HIBCH: variants seen among roughly 807,000 people sequenced by gnomAD.
HIBCH encodes 3-hydroxyisobutyryl-CoA hydrolase.
A neutral mutation model predicts 58.2 loss-of-function variants in HIBCH; 50 were observed. The observed-to-expected ratio is 0.86, with a 90% confidence interval of 0.68 to 1.09. The LOEUF (loss-of-function observed/expected upper bound fraction) is 1.09. Ranked by LOEUF, HIBCH falls within the 50% of genes least tolerant of loss-of-function variation. The pLI, the probability that HIBCH is intolerant of heterozygous loss-of-function variation, is 0.00. For synonymous variants in HIBCH, 151 were observed against 146.9 expected, an observed-to-expected ratio of 1.03 and a Z score of -0.20; for missense variants, 450 against 449.7, an observed-to-expected ratio of 1.00 and a Z score of -0.01.
At chr2:190,255,898 C>T (rs1686907305) in intron 7 of HIBCH, among the ~76,000 whole-genome samples, 1 of 151,804 alleles carries the variant, frequency 6.6e-6, no homozygotes, top group African/African-American at 2.4e-5. Context: ...TTCACACTAC[C>T]CGAGACTGAG....
chr2:190,200,592 CAT>C (rs1446504246), downstream of HIBCH: 1 of 181,012 alleles, frequency 5.5e-6, no homozygotes, highest in Non-Finnish European at 1.3e-5. Flanking sequence ...GCACTCAAAT[CAT>C]AGTGATTAAC....
rs757027302 is a variant in HIBCH at position 190,254,374 on chromosome 2, T to C, written c.518-2067A>G. Among the ~76,000 whole-genome samples the C allele has an allele frequency of 7.9e-5, 12 of 151,998 alleles. No homozygotes were observed. Among genetic ancestry groups the C allele is most frequent in the Non-Finnish European group, 1.5e-4 (10 of 67,998 alleles). ...AGTCTATTAGCCACAGAGAGAGGGCTCAAGAGAACCATCTGCTGACACCTT... is the reference window on the plus strand; with the variant it reads ...AGTCTATTAGCCACAGAGAGAGGGCCCAAGAGAACCATCTGCTGACACCTT... On this transcript the variant is annotated intron_variant, in intron 7 of 13. Transcript: ENST00000359678. The surrounding 1 kb of genome is among the most constrained non-coding windows in gnomAD (Gnocchi z 5.0).
chr2:190,287,027 C>CGT (rs56811939), intron 6 of HIBCH, among the ~76,000 whole-genome samples: 1,987 of 142,200 alleles, frequency 0.014, 17 homozygotes, highest in African/African-American at 0.025. Flanking sequence ...TAGCATATAA[C>CGT]GTGTGTGTGT....
At position 190,304,125 on chromosome 2, in the gene HIBCH, G is replaced by A. The variant is rs977807705; in HGVS notation, c.78+6629C>T. 1.2e-4 allele frequency among the ~76,000 whole-genome samples: 18 copies of A among 151,762 alleles called. No homozygotes were observed. Among genetic ancestry groups the A allele is most frequent in the African/African-American group, 4.4e-4 (18 of 41,278 alleles). ...AGTGAATGCAGTGTCATTGATTTCT[G>A]GAACAGAATATTAATGAAAAAAAAC... is the stretch of plus-strand genomic sequence containing the variant. On this transcript the variant is annotated intron_variant, in intron 2 of 13. Coordinates refer to ENST00000359678, the MANE Select transcript of HIBCH (RefSeq NM_014362.4). This position sits in a 1 kb window ranked among gnomAD's most constrained non-coding sequence, Gnocchi z 4.1.
chr2:190,285,164 T>C (rs1687800155), intron 6 of HIBCH, among the ~76,000 whole-genome samples: 1 of 152,240 alleles, frequency 6.6e-6, no homozygotes, highest in Admixed American at 6.5e-5. Flanking sequence ...CTACTGTGTA[T>C]TAGTTCCCAG....
At chr2:190,201,531 T>G (rs1480522623), downstream of HIBCH, 1 of 167,078 alleles carries the variant, frequency 6.0e-6, no homozygotes, top group Admixed American at 6.5e-5. Context: ...ACCTCTTTAA[T>G]GAGATAAATA....
Position 190,217,201 on chromosome 2 carries a change from G to T in HIBCH, c.892-4126C>A, listed in dbSNP as rs115063950. Reference sequence around the variant, plus strand: ...CCTCCAGGGGTCAGTGGACCCTGGGGAAGTGCCTCACCTAACTCCAGCCTG... The same window carrying T: ...CCTCCAGGGGTCAGTGGACCCTGGGTAAGTGCCTCACCTAACTCCAGCCTG... On this transcript the variant is annotated intron_variant, in intron 11 of 13. Coordinates refer to ENST00000359678, the MANE Select transcript of HIBCH (RefSeq NM_014362.4). This position sits in a 1 kb window ranked among gnomAD's most constrained non-coding sequence, Gnocchi z 4.6. 6.7e-3 allele frequency among the ~76,000 whole-genome samples: 1,017 copies of T among 152,306 alleles called. 12 individuals are homozygous for T. The highest frequency in any genetic ancestry group is 0.022 in the African/African-American group (921 of 41,568).
chr2:190,204,985 C>T lies in HIBCH; in HGVS notation c.*132G>A. 1 of 671,452 alleles carries T rather than the reference C, an allele frequency of 1.5e-6. No homozygotes were observed. The highest frequency in any genetic ancestry group is 2.7e-6 in the Non-Finnish European group (1 of 369,424). 41.6% of individuals were successfully genotyped at this position (671,452 alleles called of 1,614,324 possible). On this transcript the variant is annotated 3_prime_UTR_variant, in exon 14 of 14. Transcript: ENST00000359678. ...GAATTATTAGTCTTTGATTTCTTTT[C>T]CCAACCATTTAAAAATGCGGAAACC...
chr2:190,196,021 T>TA (rs1340421831), intron 1 of HIBCH, among the ~76,000 whole-genome samples: 2 of 147,128 alleles, frequency 1.4e-5, no homozygotes, highest in African/African-American at 5.0e-5. Flanking sequence ...ATGTGTGGTT[T>TA]GGATTTTTAA....
Position 190,210,960 on chromosome 2 carries a change from T to C in HIBCH, c.1011+1996A>G, listed in dbSNP as rs188118947. Among the ~76,000 whole-genome samples the C allele has an allele frequency of 6.6e-6, 1 of 152,280 alleles. No individual in the cohort carries two copies. The highest frequency in any genetic ancestry group is 2.4e-5 in the African/African-American group (1 of 41,562). ...GCTTCCTTTTTCTTGTTAATATTTA[T>C]AATCATATAATATATATTTTATGTA... On this transcript the variant is annotated intron_variant, in intron 12 of 13. Coordinates refer to ENST00000359678, the MANE Select transcript of HIBCH (RefSeq NM_014362.4). The surrounding 1 kb of genome is among the most constrained non-coding windows in gnomAD (Gnocchi z 5.5).
At chr2:190,289,772 T>C (rs1350622273) in intron 5 of HIBCH, among the ~76,000 whole-genome samples, 1 of 152,184 alleles carries the variant, frequency 6.6e-6, no homozygotes, top group African/African-American at 2.4e-5. Flanking sequence ...AAGAAATTTT[T>C]ATTCCTAAGA....
intron 5 of HIBCH, among the ~76,000 whole-genome samples, chr2:190,289,252 T>C (rs1381225606): frequency 6.6e-6 from 1 of 152,202 alleles, no homozygotes; most frequent in Non-Finnish European, 1.5e-5. Context: ...GAAAAACATA[T>C]ATATCCCCAT....
At chr2:190,264,079 G>A (rs927848082) in intron 6 of HIBCH, among the ~76,000 whole-genome samples, 3 of 151,950 alleles carry the variant, frequency 2.0e-5, no homozygotes, top group African/African-American at 4.8e-5. Context: ...GTCAAAGCAC[G>A]CTTATTAAAA....
intron 6 of HIBCH, among the ~76,000 whole-genome samples, chr2:190,282,213 G>A (rs73981039): frequency 0.013 from 2,000 of 152,222 alleles, 54 homozygotes; most frequent in African/African-American, 0.044. Context: ...ACACTTCTCA[G>A]TATCAATTTT....
intron 11 of HIBCH, among the ~76,000 whole-genome samples, chr2:190,238,876 G>T (rs192699051): frequency 6.6e-6 from 1 of 152,310 alleles, no homozygotes; most frequent in African/African-American, 2.4e-5. Flanking sequence ...TAGACCTTTA[G>T]ATGGATAGGT....
Position 190,216,851 on chromosome 2 carries a change from G to GA in HIBCH, c.892-3777dup, listed in dbSNP as rs1422717914. On this transcript the variant is annotated intron_variant, in intron 11 of 13. Transcript: ENST00000359678. The surrounding 1 kb of genome is among the most constrained non-coding windows in gnomAD (Gnocchi z 4.2). ...CTGGGGGAGGATCCCTGCAGCTGAG[G>GA]AGGAGGAAAAGCCACTAAGTCCCCT... Among the ~76,000 whole-genome samples, 1 of 152,176 alleles carries GA rather than the reference G, an allele frequency of 6.6e-6. No homozygotes were observed. Among genetic ancestry groups the GA allele is most frequent in the African/African-American group, 2.4e-5 (1 of 41,442 alleles).
At chr2:190,309,558 ATT>A (rs201893817) in intron 2 of HIBCH, among the ~76,000 whole-genome samples, 10 of 143,920 alleles carry the variant, frequency 6.9e-5, no homozygotes, top group Admixed American at 7.0e-5. Flanking sequence ...ACTATGCTAG[ATT>A]TTTTTTTTTT....
chr2:190,235,386 G>T (rs1023665494), intron 11 of HIBCH, among the ~76,000 whole-genome samples: 2 of 152,136 alleles, frequency 1.3e-5, no homozygotes, highest in African/African-American at 2.4e-5. Context: ...ACAGTTTGTT[G>T]TTTACTCATA....
rs554046140 is a variant in HIBCH at position 190,219,995 on chromosome 2, C to A, written c.892-6920G>T. ...CTTCACCTAAAAATAAATCTACTCA[C>A]CTTGGAAAGAGAGAAGACAATTCAA... On this transcript the variant is annotated intron_variant, in intron 11 of 13. Coordinates refer to ENST00000359678, the MANE Select transcript of HIBCH (RefSeq NM_014362.4). Among the ~76,000 whole-genome samples, 58 of 152,252 alleles carry A rather than the reference C, an allele frequency of 3.8e-4. No individual in the cohort carries two copies. The South Asian group carries it at 0.011, about 29-fold the overall frequency.
Sources: allele counts gnomAD v4.1 joint callset (sites outside exome capture counted in the v4.1 genomes callset), GRCh38; gene constraint gnomAD v4.1.1; non-coding constraint Gnocchi (gnomAD v3.1); transcripts MANE v1.5; gene names NCBI Gene and HGNC (gene_info 2026-07-23, HGNC 2026-07-21).